ADAMTSL1: variants seen among roughly 807,000 people sequenced by gnomAD.
The protein encoded by ADAMTSL1 is ADAMTS like 1, also known as ADAMTS-like protein 1.
In ADAMTSL1, 126 loss-of-function variants were observed where a neutral mutation model predicts 201.8. The observed-to-expected ratio is 0.62, with a 90% confidence interval of 0.54 to 0.72. The LOEUF (loss-of-function observed/expected upper bound fraction) is 0.72, where lower values mean the gene tolerates loss of function less well. Ranked by LOEUF, ADAMTSL1 falls within the 30% of genes least tolerant of loss-of-function variation. The pLI, the probability that ADAMTSL1 is intolerant of heterozygous loss-of-function variation, is 0.00. For synonymous variants in ADAMTSL1, 1,121 were observed against 903.4 expected (o/e 1.24, Z -4.32); for missense variants, 2,679 against 2,277.8 (o/e 1.18, Z -3.59).
chr9:18,271,218 C>T (rs1023280869), intron 2 of ADAMTSL1, among the ~76,000 whole-genome samples: 2 of 152,106 alleles, frequency 1.3e-5, no homozygotes, highest in African/African-American at 2.4e-5. Context: ...TTCTAGGGTA[C>T]ATGTGCACAA....
chr9:18,365,762 C>G (rs1836739920), intron 2 of ADAMTSL1, among the ~76,000 whole-genome samples: 1 of 152,122 alleles, frequency 6.6e-6, no homozygotes, highest in African/African-American at 2.4e-5. Flanking sequence ...TGGTACCTAT[C>G]TGTGGCCTGT....
At chr9:18,812,830 C>T (rs74810111) in intron 20 of ADAMTSL1, among the ~76,000 whole-genome samples, 6 of 152,110 alleles carry the variant, frequency 3.9e-5, no homozygotes, top group African/African-American at 7.2e-5. Context: ...GCTGTAAGTA[C>T]GTGGATTCAT....
intron 2 of ADAMTSL1, among the ~76,000 whole-genome samples, chr9:18,343,198 C>T (rs773840308): frequency 3.3e-5 from 5 of 151,966 alleles, no homozygotes; most frequent in African/African-American, 4.8e-5. Flanking sequence ...TATACATCAA[C>T]TGAGTGGTTA....
chr9:18,778,806 T>C (rs141456813), intron 19 of ADAMTSL1, among the ~76,000 whole-genome samples: 218 of 152,350 alleles, frequency 1.4e-3, no homozygotes, highest in African/African-American at 5.1e-3. Context: ...GTTGTATTTA[T>C]TATGTGGCAG....
intron 16 of ADAMTSL1, among the ~76,000 whole-genome samples, chr9:18,754,139 A>G (rs1009010536): frequency 6.6e-6 from 1 of 152,200 alleles, no homozygotes; most frequent in Non-Finnish European, 1.5e-5. Flanking sequence ...CGTACCGTCT[A>G]TGGCTGCTTT....
intron 1 of ADAMTSL1, among the ~76,000 whole-genome samples, chr9:18,006,218 A>C (rs1245749758): frequency 6.6e-6 from 1 of 152,028 alleles, no homozygotes. Flanking sequence ...CCATTGTATA[A>C]TATTTTACAC....
chr9:18,134,014 T>G (rs1206614007), intron 1 of ADAMTSL1, among the ~76,000 whole-genome samples: 1 of 152,146 alleles, frequency 6.6e-6, no homozygotes, highest in Admixed American at 6.6e-5. Flanking sequence ...ATTATTGTAC[T>G]GTTGAATAGT....
chr9:18,376,066 G>C (rs373507354), intron 2 of ADAMTSL1, among the ~76,000 whole-genome samples: 1 of 152,170 alleles, frequency 6.6e-6, no homozygotes, highest in African/African-American at 2.4e-5. Context: ...GTCCCCACCC[G>C]ACCCAGAAGT....
chr9:18,225,787 T>G (rs1830415332), intron 2 of ADAMTSL1, among the ~76,000 whole-genome samples: 1 of 152,178 alleles, frequency 6.6e-6, no homozygotes, highest in Admixed American at 6.6e-5. Flanking sequence ...TATGATCATT[T>G]ATGCAGTAAT....
intron 2 of ADAMTSL1, among the ~76,000 whole-genome samples, chr9:18,444,840 T>C (rs2133470232): frequency 6.6e-6 from 1 of 152,282 alleles, no homozygotes; most frequent in Non-Finnish European, 1.5e-5. Context: ...TATGTCTATG[T>C]ATCTTACCAA....
rs544051264 is a variant in ADAMTSL1, at chr9:18,902,069, C to A, written c.4852-3713C>A. On this transcript the variant is annotated intron_variant, in intron 26 of 28. Coordinates refer to ENST00000380548, the MANE Select transcript of ADAMTSL1 (RefSeq NM_001040272.6). ...GGGTCAATATACCAAGAACATATAA[C>A]AATTATAAACATGCATGCACCAAAC... 2.5e-4 allele frequency among the ~76,000 whole-genome samples: 38 copies of A among 152,250 alleles called. 1 individual carries two copies. The South Asian group carries it at 4.3e-3, about 17-fold the overall frequency.
intron 15 of ADAMTSL1, among the ~76,000 whole-genome samples, chr9:18,745,963 C>T (rs866872073): frequency 4.6e-5 from 7 of 152,188 alleles, no homozygotes; most frequent in Non-Finnish European, 8.8e-5. Context: ...CACTAAAGTT[C>T]AGTCCCTACA....
chr9:18,199,199 TG>T (rs1829324875), intron 2 of ADAMTSL1, among the ~76,000 whole-genome samples: 1 of 151,870 alleles, frequency 6.6e-6, no homozygotes, highest in African/African-American at 2.4e-5. Flanking sequence ...GCATGGCACA[TG>T]TATACATATG....
chr9:18,654,237 G>T (rs979786645), intron 7 of ADAMTSL1, among the ~76,000 whole-genome samples: 1 of 152,162 alleles, frequency 6.6e-6, no homozygotes, highest in Non-Finnish European at 1.5e-5. Context: ...TCAAAACAAA[G>T]TGCTCTTGGA....
intron 3 of ADAMTSL1, among the ~76,000 whole-genome samples, chr9:18,544,722 A>G (rs1251516797): frequency 1.3e-5 from 2 of 152,120 alleles, no homozygotes; most frequent in East Asian, 3.9e-4. Flanking sequence ...ACTTTCCTTG[A>G]CTCAGTATGA....
intron 2 of ADAMTSL1, among the ~76,000 whole-genome samples, chr9:18,406,319 CTT>C (rs1563939402): frequency 2.7e-4 from 40 of 147,852 alleles, no homozygotes; most frequent in South Asian, 2.1e-3. Context: ...CTTTTCTTTT[CTT>C]TTCTTTTCTT....
At chr9:18,906,446 T>G (rs1830316636) in intron 27 of ADAMTSL1, among the ~76,000 whole-genome samples, 1 of 152,154 alleles carries the variant, frequency 6.6e-6, no homozygotes, top group South Asian at 2.1e-4. Flanking sequence ...AGCTCATTCT[T>G]TAGTCATGCA....
chr9:17,967,645 C>G (rs960321569), intron 1 of ADAMTSL1, among the ~76,000 whole-genome samples: 4 of 151,986 alleles, frequency 2.6e-5, no homozygotes, highest in Non-Finnish European at 5.9e-5. Context: ...TTTTGTCATC[C>G]TACTTTATCT....
At chr9:18,378,546 C>G (rs1408458523) in intron 2 of ADAMTSL1, among the ~76,000 whole-genome samples, 1 of 152,156 alleles carries the variant, frequency 6.6e-6, no homozygotes, top group Admixed American at 6.5e-5. Flanking sequence ...ATGTCTCTTC[C>G]ATGATGCTGA....
Sources: allele counts gnomAD v4.1 joint callset (sites outside exome capture counted in the v4.1 genomes callset), GRCh38; gene constraint gnomAD v4.1.1; transcripts MANE v1.5; gene names NCBI Gene and HGNC (gene_info 2026-07-23, HGNC 2026-07-21).